GRK5: variants seen among roughly 807,000 people sequenced by gnomAD.
GRK5 encodes the protein G protein-coupled receptor kinase 5.
In GRK5, 40 loss-of-function variants were observed where a neutral mutation model predicts 78.4. The observed-to-expected ratio is 0.51, with a 90% CI of 0.40 to 0.66. The LOEUF (loss-of-function observed/expected upper bound fraction) is 0.66, where lower values mean the gene tolerates loss of function less well. GRK5 is among the 30% of genes least tolerant of loss of function. The pLI is 0.00. For missense variants in GRK5, 598 were observed against 759.9 expected, an observed-to-expected ratio of 0.79 and a Z score of 2.50; for synonymous variants, 289 against 296.8, an observed-to-expected ratio of 0.97 and a Z score of 0.27.
At chr10:119,320,042 G>C (rs531578353) in intron 1 of GRK5, among the ~76,000 whole-genome samples, 1 of 152,334 alleles carries the variant, frequency 6.6e-6, no homozygotes, top group African/African-American at 2.4e-5. Flanking sequence ...AGGGGGCTCT[G>C]CCTTTTCAGG....
At chr10:119,320,809 C>T (rs550042676) in intron 1 of GRK5, among the ~76,000 whole-genome samples, 53 of 152,328 alleles carry the variant, frequency 3.5e-4, no homozygotes, top group Non-Finnish European at 5.6e-4. Flanking sequence ...ACTGGCCATT[C>T]CTGCTGCTGG....
intron 1 of GRK5, among the ~76,000 whole-genome samples, chr10:119,273,805 G>A (rs1011863400): frequency 6.6e-6 from 1 of 151,950 alleles, no homozygotes; most frequent in Non-Finnish European, 1.5e-5. Context: ...ATGGAGTCTC[G>A]CTCTGTCACC....
chr10:119,258,609 T>C (rs995606852), intron 1 of GRK5, among the ~76,000 whole-genome samples: 8 of 152,232 alleles, frequency 5.3e-5, no homozygotes, highest in African/African-American at 1.9e-4. Flanking sequence ...AGAGGCAATA[T>C]GGGCTTGGCG....
Position 119,283,815 on chromosome 10 carries a change from G to A in GRK5, c.53-42701G>A, listed in dbSNP as rs117920521. On this transcript the variant is annotated intron_variant, in intron 1 of 15. Transcript: ENST00000392870. ...TGAGACGTGAGCCTGGCCCTTCAAA[G>A]CCTAAATTGGGGATAACTCTGGCAA... Among the ~76,000 whole-genome samples, 318 of 152,350 alleles carry A rather than the reference G, an allele frequency of 2.1e-3. 1 individual carries two copies. Among genetic ancestry groups the A allele is most frequent in the Non-Finnish European group, 2.6e-3 (180 of 68,032 alleles).
chr10:119,325,378 C>G (rs957981211), intron 1 of GRK5, among the ~76,000 whole-genome samples: 1 of 152,140 alleles, frequency 6.6e-6, no homozygotes, highest in African/African-American at 2.4e-5. Context: ...AGGGCTGGAG[C>G]TGAGTGCCAC....
Position 119,448,902 on chromosome 10 carries a change from T to G in GRK5, c.1404+642T>G, listed in dbSNP as rs139826732. Among the ~76,000 whole-genome samples the G allele has an allele frequency of 4.0e-3, 610 of 152,274 alleles. 3 individuals are homozygous for G. Among genetic ancestry groups the G allele is most frequent in the African/African-American group, 0.014 (583 of 41,564 alleles). On this transcript the variant is annotated intron_variant, in intron 13 of 15. Coordinates refer to ENST00000392870, the MANE Select transcript of GRK5 (RefSeq NM_005308.3). ...TCAGCTGGATCAGAGGCCCAAGAGA[T>G]GCAGACCAGGCAGAGGCTGGGTGAT...
At position 119,445,517 on chromosome 10, in the gene GRK5, G is replaced by T. The variant is rs556764581; in HGVS notation, c.1266+1765G>T. Among the ~76,000 whole-genome samples the T allele has an allele frequency of 3.3e-5, 5 of 152,274 alleles. No individual in the cohort carries two copies. The South Asian group carries it at 8.3e-4, about 25-fold the overall frequency. On this transcript the variant is annotated intron_variant, in intron 12 of 15. Transcript: ENST00000392870. This position sits in a 1 kb window ranked among gnomAD's most constrained non-coding sequence, Gnocchi z 4.1. ...TGGACCAGGGTGCTGCTGTCCCTCTGCTGCCCCCTGGTGGACACTGAGAGA... is the reference window on the plus strand; with the variant it reads ...TGGACCAGGGTGCTGCTGTCCCTCTTCTGCCCCCTGGTGGACACTGAGAGA...
chr10:119,432,703 G>A (rs1852843297), intron 8 of GRK5, among the ~76,000 whole-genome samples: 3 of 152,096 alleles, frequency 2.0e-5, no homozygotes, highest in African/African-American at 2.4e-5. Context: ...TTAAAGTTGG[G>A]CATCATTCTC....
chr10:119,433,492 C>T (rs1156469167), intron 8 of GRK5, among the ~76,000 whole-genome samples: 3 of 152,046 alleles, frequency 2.0e-5, no homozygotes, highest in East Asian at 1.9e-4. Context: ...GGAGTTCCCA[C>T]GATGTCACCT....
intron 2 of GRK5, among the ~76,000 whole-genome samples, chr10:119,348,105 G>A (rs550579005): frequency 6.0e-4 from 92 of 152,350 alleles, no homozygotes; most frequent in African/African-American, 2.2e-3. Context: ...GCTGCACACC[G>A]TAGGTGCTTG....
chr10:119,434,266 C>A (rs1264681075), intron 8 of GRK5, among the ~76,000 whole-genome samples: 1 of 152,144 alleles, frequency 6.6e-6, no homozygotes, highest in Admixed American at 6.5e-5. Flanking sequence ...ATTTCAAAAC[C>A]AATCATGCCT....
At chr10:119,413,891 C>T (rs1251712417) in intron 4 of GRK5, among the ~76,000 whole-genome samples, 1 of 152,208 alleles carries the variant, frequency 6.6e-6, no homozygotes, top group African/African-American at 2.4e-5. Flanking sequence ...CCGACTCCCA[C>T]CCCTGCCCCC....
chr10:119,408,314 C>A (rs1365266447), intron 4 of GRK5, among the ~76,000 whole-genome samples: 4 of 123,886 alleles, frequency 3.2e-5, no homozygotes, highest in Non-Finnish European at 4.8e-5. Context: ...TGCTCTCTAT[C>A]CTGGGTGACA....
rs1010022551 is a variant in GRK5, at chr10:119,430,283, C to A, written c.534-92C>A. On this transcript the variant is annotated intron_variant, in intron 6 of 15. Coordinates refer to ENST00000392870, the MANE Select transcript of GRK5 (RefSeq NM_005308.3). The surrounding 1 kb of genome is among the most constrained non-coding windows in gnomAD (Gnocchi z 4.5). Reference sequence around the variant, plus strand: ...CTGCTGTGGGGCTCCTGGAATTATACCCCACCCCAGCTGCTCTCAATGTGC... The same window carrying A: ...CTGCTGTGGGGCTCCTGGAATTATAACCCACCCCAGCTGCTCTCAATGTGC... 1.2e-5 allele frequency: 13 copies of A among 1,113,642 alleles called. No homozygotes were observed. The highest frequency in any genetic ancestry group is 4.6e-5 in the African/African-American group (3 of 64,640). The allele number at this position is 1,113,642 out of a possible 1,614,324, so 69.0% of individuals were successfully genotyped here. A position where few individuals can be genotyped will look rare whatever the true frequency, so the allele number is the denominator to read the frequency against.
chr10:119,285,590 G>A (rs1849834058), intron 1 of GRK5, among the ~76,000 whole-genome samples: 1 of 152,204 alleles, frequency 6.6e-6, no homozygotes, highest in African/African-American at 2.4e-5. Context: ...GGCACAGCAG[G>A]GAAGATGGTT....
intron 1 of GRK5, among the ~76,000 whole-genome samples, chr10:119,280,566 G>A (rs189240728): frequency 6.6e-6 from 1 of 152,092 alleles, no homozygotes; most frequent in Admixed American, 6.5e-5. Flanking sequence ...TTATTTTAGG[G>A]GTCTCAGCAT....
At position 119,452,602 on chromosome 10, in the gene GRK5, A is replaced by C; in HGVS notation, c.1405-69A>C. On this transcript the variant is annotated intron_variant, in intron 13 of 15. Coordinates refer to ENST00000392870, the MANE Select transcript of GRK5 (RefSeq NM_005308.3). This position sits in a 1 kb window ranked among gnomAD's most constrained non-coding sequence, Gnocchi z 4.4. ...ACTCCCTTCTGCTCCCCAAAACCCC[A>C]AGGCCTGGCTCGGGGCCACTGGAGC... 6.3e-7 allele frequency: 1 copy of C among 1,591,758 alleles called. No homozygotes were observed. Among genetic ancestry groups the C allele is most frequent in the Non-Finnish European group, 8.6e-7 (1 of 1,165,258 alleles).
At chr10:119,234,062 C>T (rs2133729427) in intron 1 of GRK5, among the ~76,000 whole-genome samples, 1 of 152,344 alleles carries the variant, frequency 6.6e-6, no homozygotes, top group African/African-American at 2.4e-5. Flanking sequence ...GCCAGCTGCT[C>T]TAGGGCTGGG....
At chr10:119,341,383 C>G (rs1362401531) in intron 2 of GRK5, among the ~76,000 whole-genome samples, 1 of 152,196 alleles carries the variant, frequency 6.6e-6, no homozygotes, top group Non-Finnish European at 1.5e-5. Context: ...TCAGCTTCAC[C>G]CCTGCCGCTC....
Sources: allele counts gnomAD v4.1 joint callset (sites outside exome capture counted in the v4.1 genomes callset), GRCh38; gene constraint gnomAD v4.1.1; non-coding constraint Gnocchi (gnomAD v3.1); transcripts MANE v1.5; gene names NCBI Gene and HGNC (gene_info 2026-07-23, HGNC 2026-07-21).